Variants in TBC1D30 observed in about 807,000 individuals in gnomAD.
TBC1D30 encodes TBC1 domain family, member 30.
A neutral mutation model predicts 63.2 loss-of-function variants in TBC1D30; 31 were observed. That is an observed-to-expected ratio of 0.49 (90% CI 0.37 to 0.66). The LOEUF (loss-of-function observed/expected upper bound fraction) is 0.66, where lower values mean the gene tolerates loss of function less well. TBC1D30 is among the 30% of genes least tolerant of loss of function. The pLI, the probability that TBC1D30 is intolerant of heterozygous loss-of-function variation, is 0.00. For synonymous variants in TBC1D30, 307 were observed against 361.5 expected, an observed-to-expected ratio of 0.85 and a Z score of 1.71; for missense variants, 810 against 953.6, an observed-to-expected ratio of 0.85 and a Z score of 1.98.
chr12:64,761,419 A>T (rs181744915), intron 1 of TBC1D30, among the ~76,000 whole-genome samples: 1 of 152,238 alleles, frequency 6.6e-6, no homozygotes, highest in Non-Finnish European at 1.5e-5. Context: ...GCTATGCTGC[A>T]TTCCCAGATG....
At chr12:64,770,772 C>T (rs1262045835) in intron 1 of TBC1D30, among the ~76,000 whole-genome samples, 1 of 151,258 alleles carries the variant, frequency 6.6e-6, no homozygotes, top group Non-Finnish European at 1.5e-5. Flanking sequence ...GGTGCGATCT[C>T]AGCTCACTGC....
intron 2 of TBC1D30, among the ~76,000 whole-genome samples, chr12:64,797,683 G>A (rs761754888): frequency 1.1e-4 from 16 of 151,486 alleles, no homozygotes; most frequent in Non-Finnish European, 1.9e-4. Flanking sequence ...TTCTCCCCTC[G>A]CTCTCAGCTG....
rs968117978 is a variant in TBC1D30 at position 64,876,100 on chromosome 12, C to T, written c.*312C>T. The T allele has an allele frequency of 1.2e-5, 3 of 259,924 alleles. No homozygotes were observed. The highest frequency in any genetic ancestry group is 2.2e-5 in the African/African-American group (1 of 44,510). 16.1% of individuals were successfully genotyped at this position (259,924 alleles called of 1,614,324 possible). ...CTATATCTAGATTGTTAACTCTCGT[C>T]CATCCTTCTGTTCTGGGGGCCTTCA... On this transcript the variant is annotated 3_prime_UTR_variant, in exon 12 of 12. Coordinates refer to ENST00000539867, the MANE Select transcript of TBC1D30 (RefSeq NM_015279.2).
chr12:64,805,471 T>C (rs1473854352), intron 2 of TBC1D30, among the ~76,000 whole-genome samples: 2 of 152,210 alleles, frequency 1.3e-5, no homozygotes, highest in Admixed American at 6.5e-5. Context: ...ACTGGGTTTT[T>C]CTGCACATCA....
At chr12:64,796,613 TTTAG>T (rs1322542355) in intron 2 of TBC1D30, among the ~76,000 whole-genome samples, 1 of 152,202 alleles carries the variant, frequency 6.6e-6, no homozygotes, top group African/African-American at 2.4e-5. Flanking sequence ...CATTTTTGTG[TTTAG>T]TTATATTATG....
chr12:64,792,798 C>G (rs1334935132), intron 2 of TBC1D30, among the ~76,000 whole-genome samples: 1 of 151,944 alleles, frequency 6.6e-6, no homozygotes, highest in Non-Finnish European at 1.5e-5. Flanking sequence ...GGTCTTAAAC[C>G]CATGACCTCA....
At chr12:64,799,359 TG>T (rs1217546099) in intron 2 of TBC1D30, among the ~76,000 whole-genome samples, 4 of 152,202 alleles carry the variant, frequency 2.6e-5, no homozygotes, top group African/African-American at 9.7e-5. Context: ...GTGAATTAAG[TG>T]AGTTAAAGTA....
chr12:64,878,420 G>A lies in TBC1D30; in HGVS notation c.*2632G>A, dbSNP rs1879237534. On this transcript the variant is annotated 3_prime_UTR_variant, in exon 12 of 12. Transcript: ENST00000539867. ...TTCTTGATTTTTAGATATGTCTGTA[G>A]CCTCTTAGCCCTTTTGCCGGGAATC... 4.4e-6 allele frequency: 2 copies of A among 456,522 alleles called. 1 individual carries two copies. Among genetic ancestry groups the A allele is most frequent in the Admixed American group, 4.7e-5 (2 of 42,558 alleles). The allele number at this position is 456,522 out of a possible 1,614,324, so 28.3% of individuals were successfully genotyped here.
At chr12:64,807,371 G>A (rs1465696133) in intron 2 of TBC1D30, among the ~76,000 whole-genome samples, 1 of 152,128 alleles carries the variant, frequency 6.6e-6, no homozygotes. Flanking sequence ...TTATAGCAGC[G>A]TGAGAATGGA....
intron 1 of TBC1D30, chr12:64,825,325 C>T: frequency 2.7e-6 from 1 of 369,282 alleles, no homozygotes; most frequent in Non-Finnish European, 4.9e-6. Flanking sequence ...CTCCGCGTGG[C>T]GGGGAAGTGC....
At chr12:64,806,491 A>T (rs1872879654) in intron 2 of TBC1D30, among the ~76,000 whole-genome samples, 1 of 152,152 alleles carries the variant, frequency 6.6e-6, no homozygotes, top group East Asian at 1.9e-4. Context: ...ATCCATTAGG[A>T]GCTCTGTTAT....
At chr12:64,772,245 A>G (rs571323266) in intron 1 of TBC1D30, among the ~76,000 whole-genome samples, 35 of 151,790 alleles carry the variant, frequency 2.3e-4, no homozygotes, top group African/African-American at 8.2e-4. Context: ...CTCAAAAAAA[A>G]AAAAAAAAAA....
Position 64,879,761 on chromosome 12 carries a change from A to G in TBC1D30, c.*3973A>G, listed in dbSNP as rs2136504267. On this transcript the variant is annotated 3_prime_UTR_variant, in exon 12 of 12. Coordinates refer to ENST00000539867, the MANE Select transcript of TBC1D30 (RefSeq NM_015279.2). ...TCCCTTTTATTCTTTGCTTGCTAAG[A>G]GTTTTCTTCATCAACAGGTATTGAA... 1 of 152,316 alleles carries G rather than the reference A, an allele frequency of 6.6e-6. No individual in the cohort carries two copies. The highest frequency in any genetic ancestry group is 6.5e-5 in the Admixed American group (1 of 15,300). The allele number at this position is 152,316 out of a possible 1,614,324, so 9.4% of individuals were successfully genotyped here. A position where few individuals can be genotyped will look rare whatever the true frequency, so the allele number is the denominator to read the frequency against.
intron 2 of TBC1D30, among the ~76,000 whole-genome samples, chr12:64,793,517 G>T (rs925878413): frequency 2.6e-5 from 4 of 151,514 alleles, no homozygotes; most frequent in African/African-American, 4.9e-5. Flanking sequence ...AGAATTAGCT[G>T]GGCGTGGTGG....
At chr12:64,872,753 A>T (rs1018850641) in intron 11 of TBC1D30, among the ~76,000 whole-genome samples, 1 of 152,228 alleles carries the variant, frequency 6.6e-6, no homozygotes, top group Non-Finnish European at 1.5e-5. Context: ...ACAGTTTCAC[A>T]TGGCTGGGGA....
intron 1 of TBC1D30, among the ~76,000 whole-genome samples, chr12:64,785,233 C>G (rs955376355): frequency 1.3e-5 from 2 of 151,416 alleles, no homozygotes; most frequent in Non-Finnish European, 2.9e-5. Context: ...CTCACTGCAG[C>G]CTCCTCCTCT....
chr12:64,783,224 G>T (rs1871379800), intron 1 of TBC1D30, among the ~76,000 whole-genome samples: 1 of 152,124 alleles, frequency 6.6e-6, no homozygotes, highest in Admixed American at 6.6e-5. Context: ...CAGGACATCT[G>T]GGCTCTCTTC....
At chr12:64,795,732 G>T in intron 2 of TBC1D30, among the ~76,000 whole-genome samples, 1 of 143,542 alleles carries the variant, frequency 7.0e-6, no homozygotes, top group Non-Finnish European at 1.5e-5. Context: ...CCTTCACTCT[G>T]GTCCTTGCGG....
At chr12:64,823,124 G>T (rs922476135), upstream of TBC1D30, among the ~76,000 whole-genome samples, 1 of 151,872 alleles carries the variant, frequency 6.6e-6, no homozygotes, top group Non-Finnish European at 1.5e-5. Flanking sequence ...AATTACTTTG[G>T]TTATACACAT....
Sources: gnomAD v4.1 joint callset for allele counts (sites outside exome capture counted in the v4.1 genomes callset) on GRCh38, gnomAD v4.1.1 for gene constraint, MANE v1.5 for transcripts, NCBI Gene and HGNC (gene_info 2026-07-23, HGNC 2026-07-21) for gene names.